The following ITSN2 variants were observed in gnomAD, a reference collection of about 807,000 sequenced individuals.
The protein encoded by ITSN2 is intersectin-2.
ITSN2 carries 156 observed loss-of-function variants against 243.7 expected under a neutral mutation model. The observed-to-expected ratio is 0.64, with a 90% CI of 0.56 to 0.73. The LOEUF (loss-of-function observed/expected upper bound fraction) is 0.73, where lower values mean the gene tolerates loss of function less well. Ranked by LOEUF, ITSN2 falls within the 30% of genes least tolerant of loss-of-function variation. ITSN2 has a pLI of 0.00. For synonymous variants in ITSN2, 703 were observed against 699.9 expected (o/e 1.00, Z -0.07); for missense variants, 1,801 against 1,996.1 (o/e 0.90, Z 1.86).
Position 24,298,763 on chromosome 2 carries a change from G to A in ITSN2, c.1396C>T (p.Arg466Trp), listed in dbSNP as rs780927701. Residue 466 changes from arginine to tryptophan, a missense_variant, in exon 13 of 40, where the codon CGG (arginine) becomes TGG (tryptophan). Arg to Trp is a moderately radical substitution (Grantham distance 101, BLOSUM62 -3). Around this residue, in one of 5 missense-constraint regions of ITSN2, gnomAD observed 787 missense variants for 803.9 expected, o/e 0.98. Coordinates refer to ENST00000355123, the MANE Select transcript of ITSN2 (RefSeq NM_006277.3). ...TTTTGATTGAGAAGCTCCTGTCGCC[G>A]AATTCTCTCCCATTCTAAGCGACGT... ...RQRRLEWERI[R>W]RQELLNQKNR... 1.7e-5 allele frequency: 28 copies of A among 1,610,982 alleles called. No homozygotes were observed. The highest frequency in any genetic ancestry group is 3.3e-5 in the South Asian group (3 of 90,750).
intron 33 of ITSN2, 130 bp downstream of exon 33, chr2:24,212,520 T>C (rs939771573): frequency 2.0e-5 from 13 of 642,502 alleles, no homozygotes; most frequent in Middle Eastern, 8.8e-4. Context: ...GACAGTGGGA[T>C]CACTTGTGCG....
rs1275035112 is a variant in ITSN2 at position 24,251,309 on chromosome 2, C to CAAAAAAAAAATGAAAAA, written c.3120+1035_3120+1036insTTTTTCATTTTTTTTTT. 9.1e-5 allele frequency among the ~76,000 whole-genome samples: 2 copies of CAAAAAAAAAATGAAAAA among 22,016 alleles called. 1 individual carries two copies. The highest frequency in any genetic ancestry group is 2.0e-3 in the East Asian group (2 of 992). 14.4% of individuals were successfully genotyped at this position (22,016 alleles called of 152,430 possible). A position where few individuals can be genotyped will look rare whatever the true frequency, so the allele number is the denominator to read the frequency against. ...TGGGCAACAGAACTAAACTCCATCTCAAAAAAAAAAAAAAATAAAATATAT... is the reference window on the plus strand; with the variant it reads ...TGGGCAACAGAACTAAACTCCATCTCAAAAAAAAAATGAAAAAAAAAAAAAAAAAAAATAAAATATAT... On this transcript the variant is annotated intron_variant, in intron 25 of 39. Coordinates refer to ENST00000355123, the MANE Select transcript of ITSN2 (RefSeq NM_006277.3).
intron 21 of ITSN2, 28 bp from the exon 22 acceptor site, chr2:24,261,278 ATATT>A (rs747606758): frequency 3.1e-5 from 48 of 1,552,906 alleles, no homozygotes; most frequent in Non-Finnish European, 4.1e-5. Context: ...TGATATAAGT[ATATT>A]TATTTGTTTA....
intron 35 of ITSN2, among the ~76,000 whole-genome samples, chr2:24,209,533 T>A (rs1473466625): frequency 6.6e-6 from 1 of 152,208 alleles, no homozygotes; most frequent in Non-Finnish European, 1.5e-5. Flanking sequence ...GGGGCTCGGC[T>A]TACAGAGACC....
intron 1 of ITSN2, among the ~76,000 whole-genome samples, chr2:24,357,356 C>G (rs1298855110): frequency 1.3e-5 from 2 of 152,170 alleles, no homozygotes; most frequent in Non-Finnish European, 2.9e-5. Context: ...AGCCATCATC[C>G]TCAGCAAACT....
chr2:24,298,520 C>A, intron 13 of ITSN2, 145 bp downstream of exon 13: 1 of 643,650 alleles, frequency 1.6e-6, no homozygotes, highest in Non-Finnish European at 2.5e-6. Context: ...TGGTTTCAAA[C>A]TCCTGCCCCA....
intron 1 of ITSN2, chr2:24,334,651 T>C (rs1249405995): frequency 1.4e-6 from 2 of 1,415,076 alleles, no homozygotes; most frequent in East Asian, 4.6e-5. Flanking sequence ...AGCAGAGTGG[T>C]TATGGTGGGC....
chr2:24,275,161 GGAAT>G (rs1422953805), intron 18 of ITSN2, among the ~76,000 whole-genome samples: 1 of 152,184 alleles, frequency 6.6e-6, no homozygotes, highest in Non-Finnish European at 1.5e-5. Context: ...AAGGAAAGAT[GGAAT>G]GAATGAGTGT....
At chr2:24,224,823 T>G (rs1032437438) in intron 29 of ITSN2, among the ~76,000 whole-genome samples, 3 of 152,168 alleles carry the variant, frequency 2.0e-5, no homozygotes, top group African/African-American at 7.2e-5. Flanking sequence ...AGAGACGGGG[T>G]TTCGCCATGT....
At position 24,310,498 on chromosome 2, in the gene ITSN2, A is replaced by C. The variant is rs774098689; in HGVS notation, c.547T>G (p.Ser183Ala). The C allele has an allele frequency of 4.3e-6, 7 of 1,613,932 alleles. No individual in the cohort carries two copies. Among genetic ancestry groups the C allele is most frequent in the Admixed American group, 1.7e-5 (1 of 60,006 alleles). The change falls in exon 6 of 40, where the codon TCT (serine) becomes GCT (alanine). Residue 183 changes from serine (S) to alanine (A), a missense_variant. Physicochemically the swap from Ser to Ala is moderately conservative, Grantham distance 99. Coordinates refer to ENST00000355123, the MANE Select transcript of ITSN2 (RefSeq NM_006277.3). ...SLIQPLPIPY[S>A]SSTLPHGSSY... ...GAAACAAAGTACTCACTTGAAGAAG[A>C]ATAAGGAATGGGTAAAGGCTGAATG...
At chr2:24,236,162 C>G (rs1247083687) in intron 29 of ITSN2, among the ~76,000 whole-genome samples, 1 of 152,064 alleles carries the variant, frequency 6.6e-6, no homozygotes, top group East Asian at 1.9e-4. Context: ...GTTAATTTGG[C>G]CATAAAAAGG....
chr2:24,257,253 G>A (rs1314913802), intron 23 of ITSN2, among the ~76,000 whole-genome samples: 2 of 151,990 alleles, frequency 1.3e-5, no homozygotes, highest in Non-Finnish European at 2.9e-5. Flanking sequence ...CTGGGTGGTC[G>A]AGGCTGCAGT....
chr2:24,337,305 G>GTGTGTA (rs1686494524), intron 1 of ITSN2, among the ~76,000 whole-genome samples: 1 of 33,820 alleles, frequency 3.0e-5, no homozygotes, highest in Non-Finnish European at 6.8e-5. Context: ...GTGTGTGTGT[G>GTGTGTA]TATACACAAA....
intron 1 of ITSN2, among the ~76,000 whole-genome samples, chr2:24,358,559 G>A (rs188137334): frequency 6.6e-6 from 1 of 152,210 alleles, no homozygotes; most frequent in East Asian, 1.9e-4. Flanking sequence ...ACTAAAGATG[G>A]AAATTTGTGA....
intron 10 of ITSN2, 151 bp downstream of exon 10, chr2:24,301,814 C>T (rs555556883): frequency 1.2e-4 from 81 of 703,388 alleles, no homozygotes; most frequent in Admixed American, 1.0e-3. Context: ...TAAGCTGCCA[C>T]GCCTGGCCCA....
intron 15 of ITSN2, 76 bp downstream of exon 15, chr2:24,293,612 T>A: frequency 1.7e-6 from 1 of 585,184 alleles, no homozygotes. Context: ...TTTTTTAATT[T>A]TAAAAAAGTA....
intron 29 of ITSN2, among the ~76,000 whole-genome samples, chr2:24,227,656 C>T (rs577858679): frequency 6.6e-5 from 10 of 152,138 alleles, no homozygotes; most frequent in Non-Finnish European, 8.8e-5. Context: ...CATGGTGGCT[C>T]ACACCTGTAA....
chr2:24,305,158 T>C (rs184300990), intron 8 of ITSN2, among the ~76,000 whole-genome samples: 1 of 152,336 alleles, frequency 6.6e-6, no homozygotes, highest in Non-Finnish European at 1.5e-5. Flanking sequence ...TTCAAAGATA[T>C]GAACCATGTC....
chr2:24,261,749 A>T lies in ITSN2; in HGVS notation c.2356-7T>A. ...CTACGGTTTTTTCATCAACCTACGGAAATAAAAAGAAGGATTAACAGTGCT... is the reference window on the plus strand; with the variant it reads ...CTACGGTTTTTTCATCAACCTACGGTAATAAAAAGAAGGATTAACAGTGCT... On this transcript the variant is annotated splice_region_variant and splice_polypyrimidine_tract_variant and intron_variant, in intron 20 of 39. Transcript: ENST00000355123. 6.2e-7 allele frequency: 1 copy of T among 1,604,476 alleles called. No individual in the cohort carries two copies. The highest frequency in any genetic ancestry group is 8.5e-7 in the Non-Finnish European group (1 of 1,173,942).
Sources: allele counts gnomAD v4.1 joint callset (sites outside exome capture counted in the v4.1 genomes callset), GRCh38; gene constraint gnomAD v4.1.1; regional missense constraint gnomAD v4.1.1; transcripts MANE v1.5; gene names NCBI Gene and HGNC (gene_info 2026-07-23, HGNC 2026-07-21).